Variants in PATJ observed in about 807,000 individuals in gnomAD.
The protein encoded by PATJ is PATJ crumbs cell polarity complex component, also known as inaD-like protein.
PATJ carries 190 observed loss-of-function variants against 224.9 expected under a neutral mutation model. The observed-to-expected ratio is 0.84, with a 90% CI of 0.75 to 0.95. The LOEUF is 0.95. Ranked by LOEUF, PATJ falls within the 40% of genes least tolerant of loss-of-function variation. PATJ has a pLI of 0.00. For missense variants in PATJ, 2,121 were observed against 2,270.3 expected (o/e 0.93, Z 1.34); for synonymous variants, 769 against 820.3 (o/e 0.94, Z 1.07).
intron 10 of PATJ, among the ~76,000 whole-genome samples, chr1:61,796,621 A>G (rs200401259): frequency 6.6e-6 from 1 of 151,734 alleles, no homozygotes; most frequent in East Asian, 1.9e-4. Flanking sequence ...CTAGTTTTAC[A>G]TCCTTGTTCA....
chr1:61,938,044 C>G (rs1245095016), intron 27 of PATJ, among the ~76,000 whole-genome samples: 2 of 152,156 alleles, frequency 1.3e-5, no homozygotes. Context: ...AGTGTTTTCT[C>G]CATCTTGGTA....
chr1:62,041,857 C>G (rs928654764), intron 30 of PATJ, among the ~76,000 whole-genome samples: 1 of 152,068 alleles, frequency 6.6e-6, no homozygotes, highest in African/African-American at 2.4e-5. Flanking sequence ...GGTGAAACCT[C>G]CTCTCTACTA....
chr1:62,136,648 C>CGTGTGT (rs1297199171), intron 41 of PATJ, among the ~76,000 whole-genome samples: 15 of 71,306 alleles, frequency 2.1e-4, no homozygotes, highest in African/African-American at 7.1e-4. Context: ...TTATGTTTTG[C>CGTGTGT]GTGTGTGTGT....
intron 27 of PATJ, among the ~76,000 whole-genome samples, chr1:61,969,662 T>C (rs1458420283): frequency 6.6e-6 from 1 of 152,212 alleles, no homozygotes; most frequent in African/African-American, 2.4e-5. Context: ...TCTCCCATTC[T>C]GTGGGTTGCC....
chr1:61,888,362 C>T (rs532661922), intron 22 of PATJ, among the ~76,000 whole-genome samples: 2 of 152,242 alleles, frequency 1.3e-5, no homozygotes, highest in South Asian at 2.1e-4. Context: ...CTGCAACCTC[C>T]GCTTCCCAGG....
At chr1:61,917,676 C>G (rs762379985) in intron 26 of PATJ, among the ~76,000 whole-genome samples, 2 of 152,014 alleles carry the variant, frequency 1.3e-5, no homozygotes, top group Non-Finnish European at 2.9e-5. Flanking sequence ...ATATACTGTC[C>G]TATCTGGCTT....
rs373735952 is a variant in PATJ, at chr1:61,788,662, GTTTGTTTTGT to G, written c.1068+709_1068+718del. Among the ~76,000 whole-genome samples, 438 of 151,938 alleles carry G rather than the reference GTTTGTTTTGT, an allele frequency of 2.9e-3. 2 individuals carry two copies. The highest frequency in any genetic ancestry group is 7.5e-3 in the African/African-American group (310 of 41,418). ...AAAGAAATAAGTTTTTTGTTTGTTT[GTTTGTTTTGT>G]TTTGTTTTGTTTTGTTTTTGAGATG... On this transcript the variant is annotated intron_variant, in intron 8 of 43. Transcript: ENST00000642238.
chr1:61,838,339 G>T (rs1660520650), intron 17 of PATJ, among the ~76,000 whole-genome samples: 1 of 151,756 alleles, frequency 6.6e-6, no homozygotes, highest in South Asian at 2.1e-4. Context: ...GAATATGATG[G>T]CTTGACTGAG....
At chr1:61,992,529 C>T (rs145208241) in intron 28 of PATJ, among the ~76,000 whole-genome samples, 57 of 152,252 alleles carry the variant, frequency 3.7e-4, no homozygotes, top group African/African-American at 1.2e-3. Flanking sequence ...TTATGTTATA[C>T]ATATCTAGAC....
At chr1:62,048,295 C>T (rs1284100542) in intron 30 of PATJ, among the ~76,000 whole-genome samples, 1 of 151,982 alleles carries the variant, frequency 6.6e-6, no homozygotes, top group African/African-American at 2.4e-5. Flanking sequence ...ACTGTAATCC[C>T]AGCACTCTGG....
At chr1:62,084,955 A>G (rs994223881) in intron 33 of PATJ, among the ~76,000 whole-genome samples, 16 of 151,844 alleles carry the variant, frequency 1.1e-4, no homozygotes, top group African/African-American at 3.6e-4. Flanking sequence ...CCATCTCTAC[A>G]AAAAGTACAA....
At chr1:61,818,080 T>A (rs1359879617) in intron 14 of PATJ, among the ~76,000 whole-genome samples, 1 of 152,182 alleles carries the variant, frequency 6.6e-6, no homozygotes, top group East Asian at 1.9e-4. Context: ...CATTTTGATA[T>A]CCTGTTATAG....
chr1:61,760,760 G>A (rs1019865326), intron 1 of PATJ, among the ~76,000 whole-genome samples: 9 of 151,736 alleles, frequency 5.9e-5, no homozygotes, highest in Admixed American at 3.3e-4. Context: ...GGAATTATGG[G>A]TGAGTGCCAC....
intron 34 of PATJ, among the ~76,000 whole-genome samples, chr1:62,110,323 G>A (rs1195075796): frequency 3.3e-5 from 5 of 152,152 alleles, no homozygotes; most frequent in South Asian, 2.1e-4. Context: ...ATGAGGCATC[G>A]GCAGCCTGTG....
At position 62,084,426 on chromosome 1, in the gene PATJ, T is replaced by G. The variant is rs12076103; in HGVS notation, c.4244-89T>G. On this transcript the variant is annotated intron_variant, in intron 32 of 43. Transcript: ENST00000642238. Reference sequence around the variant, plus strand: ...GGAAAAGAGTGCAGTGATAAACACATGCAAGCCCCACACTCCCCACGTGAT... The same window carrying G: ...GGAAAAGAGTGCAGTGATAAACACAGGCAAGCCCCACACTCCCCACGTGAT... 2.1e-6 allele frequency: 3 copies of G among 1,401,296 alleles called. No individual in the cohort carries two copies. The African/African-American group carries it at 4.4e-5, about 20-fold the overall frequency. 86.8% of individuals were successfully genotyped at this position (1,401,296 alleles called of 1,614,324 possible). A position where few individuals can be genotyped will look rare whatever the true frequency, so the allele number is the denominator to read the frequency against.
At chr1:61,750,263 A>G (rs1338623468) in intron 1 of PATJ, among the ~76,000 whole-genome samples, 1 of 152,108 alleles carries the variant, frequency 6.6e-6, no homozygotes, top group Non-Finnish European at 1.5e-5. Context: ...CCCTTTGCAC[A>G]CCTTGCTTGG....
chr1:61,831,261 A>C (rs1393422015), intron 16 of PATJ, among the ~76,000 whole-genome samples: 1 of 152,044 alleles, frequency 6.6e-6, no homozygotes, highest in Non-Finnish European at 1.5e-5. Flanking sequence ...ACCATTGTGG[A>C]TATTGGCCTT....
chr1:61,903,344 A>G (rs1356180470), intron 24 of PATJ, among the ~76,000 whole-genome samples: 1 of 152,198 alleles, frequency 6.6e-6, no homozygotes, highest in Non-Finnish European at 1.5e-5. Context: ...GGCAAAGATA[A>G]TTCAAAAGCT....
chr1:61,928,219 G>A (rs995313447), intron 27 of PATJ, among the ~76,000 whole-genome samples: 19 of 152,138 alleles, frequency 1.2e-4, no homozygotes, highest in African/African-American at 4.3e-4. Flanking sequence ...GATTACAGAA[G>A]GCCCACCAAC....
Sources: allele counts gnomAD v4.1 joint callset (sites outside exome capture counted in the v4.1 genomes callset), GRCh38; gene constraint gnomAD v4.1.1; transcripts MANE v1.5; gene names NCBI Gene and HGNC (gene_info 2026-07-23, HGNC 2026-07-21).